Variants in EPHA6 observed in about 807,000 individuals in gnomAD.
EPHA6 encodes ephrin type-A receptor 6.
In EPHA6, 50 loss-of-function variants were observed where a neutral mutation model predicts 112.0. That is an observed-to-expected ratio of 0.45 (90% CI 0.36 to 0.56). The LOEUF (loss-of-function observed/expected upper bound fraction) is 0.56. EPHA6 is among the 20% of genes least tolerant of loss of function. The probability of loss-of-function intolerance (pLI) is 0.00; values close to 1 mark genes in which losing one functional copy is unlikely to be tolerated. For missense variants in EPHA6, 1,280 were observed against 1,417.4 expected (o/e 0.90, Z 1.56); for synonymous variants, 529 against 490.7 (o/e 1.08, Z -1.03).
At chr3:96,834,035 A>T (rs1300664379) in intron 1 of EPHA6, among the ~76,000 whole-genome samples, 1 of 152,098 alleles carries the variant, frequency 6.6e-6, no homozygotes, top group Non-Finnish European at 1.5e-5. Context: ...ACTATCAATT[A>T]TACATTTGTA....
At chr3:97,699,754 C>G (rs1367214850) in intron 14 of EPHA6, among the ~76,000 whole-genome samples, 1 of 152,194 alleles carries the variant, frequency 6.6e-6, no homozygotes, top group Non-Finnish European at 1.5e-5. Context: ...GTCTAGAAAA[C>G]TTATGAAAAT....
At chr3:97,226,792 T>A (rs1462750221) in intron 4 of EPHA6, among the ~76,000 whole-genome samples, 3 of 152,206 alleles carry the variant, frequency 2.0e-5, no homozygotes, top group Non-Finnish European at 4.4e-5. Flanking sequence ...AGCATATCAA[T>A]TTAGGACCAT....
At chr3:97,329,837 C>T (rs946683750) in intron 5 of EPHA6, among the ~76,000 whole-genome samples, 1 of 151,886 alleles carries the variant, frequency 6.6e-6, no homozygotes, top group Non-Finnish European at 1.5e-5. Context: ...TCCCATTTGT[C>T]AATTTTGGCT....
chr3:97,121,270 C>T (rs183561862), intron 3 of EPHA6, among the ~76,000 whole-genome samples: 1 of 151,976 alleles, frequency 6.6e-6, no homozygotes, highest in African/African-American at 2.4e-5. Context: ...CATTCCCAAG[C>T]CACATTTAAG....
chr3:97,694,419 T>C (rs2032888569), intron 14 of EPHA6, among the ~76,000 whole-genome samples: 1 of 152,026 alleles, frequency 6.6e-6, no homozygotes, highest in Admixed American at 6.6e-5. Context: ...GTATTTTTGG[T>C]AGAGATGGGG....
chr3:97,718,998 T>A (rs190700433), intron 14 of EPHA6, among the ~76,000 whole-genome samples: 1 of 150,624 alleles, frequency 6.6e-6, no homozygotes, highest in East Asian at 2.0e-4. Flanking sequence ...ATGCTACTAG[T>A]CTTTGAAATG....
rs1397906209 is a variant in EPHA6 at position 96,814,872 on chromosome 3, T to C, written c.249T>C (p.Ser83=). Residue 83 remains serine, a synonymous_variant, in exon 1 of 18, where the codon TCT becomes TCC. Transcript: ENST00000389672. ...QNTCLRCRHF[S]LRERKREPRR... ...CCTGCCTGCGCTGCCGCCACTTCTC[T>C]TTAAGGGAGAGGAAAAGAGAGCCTA... is the stretch of plus-strand genomic sequence containing the variant. 2 of 1,557,848 alleles carry C rather than the reference T, an allele frequency of 1.3e-6. No homozygotes were observed. Among genetic ancestry groups the C allele is most frequent in the African/African-American group, 2.7e-5 (2 of 73,230 alleles).
chr3:96,889,991 C>T (rs908229298), intron 2 of EPHA6, among the ~76,000 whole-genome samples: 1 of 151,792 alleles, frequency 6.6e-6, no homozygotes, highest in Admixed American at 6.6e-5. Context: ...ATATATTGAC[C>T]TCTTATACCT....
At chr3:97,070,395 A>G (rs2046315286) in intron 3 of EPHA6, among the ~76,000 whole-genome samples, 1 of 152,108 alleles carries the variant, frequency 6.6e-6, no homozygotes, top group African/African-American at 2.4e-5. Context: ...AAATGAATTA[A>G]CATATGCAGA....
chr3:97,042,182 G>T (rs553101210), intron 3 of EPHA6, among the ~76,000 whole-genome samples: 1 of 152,062 alleles, frequency 6.6e-6, no homozygotes, highest in Non-Finnish European at 1.5e-5. Context: ...TGGGTCCTGG[G>T]GGTGGATCCC....
intron 3 of EPHA6, among the ~76,000 whole-genome samples, chr3:97,066,853 A>G (rs1375320138): frequency 6.6e-6 from 1 of 152,194 alleles, no homozygotes; most frequent in Non-Finnish European, 1.5e-5. Context: ...GATGACTGTA[A>G]TAGCAGACAG....
chr3:97,082,053 A>T (rs1485138537), intron 3 of EPHA6, among the ~76,000 whole-genome samples: 1 of 151,684 alleles, frequency 6.6e-6, no homozygotes, highest in Non-Finnish European at 1.5e-5. Context: ...TTTTGATTGA[A>T]AAGTAAAAAT....
chr3:97,277,067 G>A lies in EPHA6; in HGVS notation c.1606+32780G>A, dbSNP rs61353823. ...GGGGAGGAGGGGAAAGGCCAGATGG[G>A]TCTGTAGAAAAGGAAGAAAGACTCA... On this transcript the variant is annotated intron_variant, in intron 5 of 17. Transcript: ENST00000389672. 4.9e-3 allele frequency among the ~76,000 whole-genome samples: 741 copies of A among 152,230 alleles called. 5 individuals carry two copies. Among genetic ancestry groups the A allele is most frequent in the African/African-American group, 0.016 (672 of 41,532 alleles).
chr3:97,409,105 G>C (rs2107101905), intron 6 of EPHA6, among the ~76,000 whole-genome samples: 1 of 152,104 alleles, frequency 6.6e-6, no homozygotes, highest in African/African-American at 2.4e-5. Flanking sequence ...CCTCTAACAA[G>C]TTTTTTAAAG....
chr3:97,378,087 C>T (rs1483097002), intron 5 of EPHA6, among the ~76,000 whole-genome samples: 1 of 152,126 alleles, frequency 6.6e-6, no homozygotes, highest in African/African-American at 2.4e-5. Context: ...ACTTGGAGAT[C>T]TAGAAGGAAA....
intron 11 of EPHA6, among the ~76,000 whole-genome samples, chr3:97,547,483 G>T (rs1036751207): frequency 6.6e-6 from 1 of 152,156 alleles, no homozygotes; most frequent in Non-Finnish European, 1.5e-5. Flanking sequence ...ATACTGGGGG[G>T]TGCCTCCCAG....
intron 2 of EPHA6, among the ~76,000 whole-genome samples, chr3:96,924,987 A>T (rs1198988152): frequency 6.6e-6 from 1 of 152,128 alleles, no homozygotes; most frequent in Non-Finnish European, 1.5e-5. Flanking sequence ...TCCTGAAGCC[A>T]ACTTAATTGT....
At chr3:97,140,861 C>G (rs1405206354) in intron 3 of EPHA6, among the ~76,000 whole-genome samples, 2 of 152,000 alleles carry the variant, frequency 1.3e-5, no homozygotes, top group Admixed American at 6.6e-5. Context: ...CCAAGGTGCC[C>G]CACTTAAAAC....
intron 5 of EPHA6, among the ~76,000 whole-genome samples, chr3:97,290,764 T>G (rs1235554760): frequency 6.6e-6 from 1 of 152,112 alleles, no homozygotes; most frequent in Non-Finnish European, 1.5e-5. Flanking sequence ...TTTGGGGTCC[T>G]TTTTCCTTTA....
Sources: gnomAD v4.1 joint callset for allele counts (sites outside exome capture counted in the v4.1 genomes callset) on GRCh38, gnomAD v4.1.1 for gene constraint, MANE v1.5 for transcripts, NCBI Gene and HGNC (gene_info 2026-07-23, HGNC 2026-07-21) for gene names.